The following GOLPH3L variants were observed in gnomAD, a reference collection of about 807,000 sequenced individuals.
GOLPH3L encodes the protein Golgi phosphoprotein 3-like.
A neutral mutation model predicts 30.3 loss-of-function variants in GOLPH3L; 22 were observed. The ratio of observed to expected loss-of-function variants is 0.73; its 90% CI spans 0.52 to 1.04. GOLPH3L has a LOEUF of 1.04. Among genes scored for constraint, GOLPH3L ranks in the 50% least tolerant of loss-of-function variants. The pLI is 0.00. For synonymous variants in GOLPH3L, 120 were observed against 128.2 expected (o/e 0.94, Z 0.43); for missense variants, 303 against 345.8 (o/e 0.88, Z 0.98).
chr1:150,662,722 A>G (rs1650397678), intron 3 of GOLPH3L, among the ~76,000 whole-genome samples: 1 of 152,222 alleles, frequency 6.6e-6, no homozygotes, highest in Non-Finnish European at 1.5e-5. Flanking sequence ...GAATAAGATA[A>G]TAACAAAGGC....
intron 2 of GOLPH3L, among the ~76,000 whole-genome samples, chr1:150,672,221 C>G (rs915651403): frequency 1.3e-5 from 2 of 152,104 alleles, no homozygotes; most frequent in Non-Finnish European, 2.9e-5. Flanking sequence ...CAGGGGTTAT[C>G]AAAAATTCTA....
At chr1:150,672,702 A>G (rs1182239344) in intron 2 of GOLPH3L, among the ~76,000 whole-genome samples, 1 of 152,194 alleles carries the variant, frequency 6.6e-6, no homozygotes, top group Non-Finnish European at 1.5e-5. Context: ...AAGTGCTGGG[A>G]TTACAGGTGT....
At chr1:150,661,772 TAAC>T in intron 4 of GOLPH3L, 39 bp downstream of exon 4, 2 of 896,476 alleles carry the variant, frequency 2.2e-6, no homozygotes, top group South Asian at 2.6e-5. Flanking sequence ...AGGATAAAGA[TAAC>T]AAAGTGTGAA....
At chr1:150,652,474 C>CA (rs1352559839) in intron 4 of GOLPH3L, among the ~76,000 whole-genome samples, 2 of 135,124 alleles carry the variant, frequency 1.5e-5, no homozygotes, top group Non-Finnish European at 3.2e-5. Context: ...AAAATAAATA[C>CA]ATTCCTAGAT....
intron 2 of GOLPH3L, among the ~76,000 whole-genome samples, chr1:150,668,278 C>A (rs1353208906): frequency 6.6e-6 from 1 of 152,132 alleles, no homozygotes; most frequent in Non-Finnish European, 1.5e-5. Context: ...TAAAATATTC[C>A]TTAGACATCT....
At chr1:150,666,473 T>C (rs1201567796) in intron 2 of GOLPH3L, among the ~76,000 whole-genome samples, 3 of 152,020 alleles carry the variant, frequency 2.0e-5, no homozygotes, top group Admixed American at 2.0e-4. Context: ...GCCTCCCAAG[T>C]AGCTGGGATT....
intron 1 of GOLPH3L, among the ~76,000 whole-genome samples, chr1:150,696,367 TCA>T (rs1177755861): frequency 6.6e-6 from 1 of 152,216 alleles, no homozygotes; most frequent in Non-Finnish European, 1.5e-5. Flanking sequence ...CTCAGCTGTT[TCA>T]CAGAGCTTTA....
chr1:150,658,184 C>T (rs2101783934), intron 4 of GOLPH3L, among the ~76,000 whole-genome samples: 1 of 152,314 alleles, frequency 6.6e-6, no homozygotes, highest in South Asian at 2.1e-4. Flanking sequence ...AGGAGGACCC[C>T]AACTGTCATT....
intron 3 of GOLPH3L, among the ~76,000 whole-genome samples, 176 bp downstream of exon 3, chr1:150,663,456 T>C (rs1650420744): frequency 6.6e-6 from 1 of 152,228 alleles, no homozygotes; most frequent in Non-Finnish European, 1.5e-5. Flanking sequence ...CTCTTTGGAC[T>C]ATGGATACTT....
At chr1:150,691,380 G>C (rs933501985) in intron 2 of GOLPH3L, among the ~76,000 whole-genome samples, 2 of 152,050 alleles carry the variant, frequency 1.3e-5, no homozygotes, top group African/African-American at 4.8e-5. Flanking sequence ...GCCAGGCATG[G>C]TGGCGGGTGC....
chr1:150,648,604 T>C lies in GOLPH3L; in HGVS notation c.575A>G (p.Asn192Ser), dbSNP rs1389237718. The C allele has an allele frequency of 6.2e-7, 1 of 1,614,096 alleles. No individual in the cohort carries two copies. The highest frequency in any genetic ancestry group is 1.7e-5 in the Admixed American group (1 of 60,016). Residue 192 changes from asparagine (N) to serine (S), a missense_variant, in exon 5 of 5, where the codon AAT (asparagine) becomes AGT (serine). Physicochemically the swap from Asn to Ser is conservative, Grantham distance 46 (BLOSUM62 1). Coordinates refer to ENST00000271732, the MANE Select transcript of GOLPH3L (RefSeq NM_018178.6). ...CACTAGTCGCTGTTTCTCTGTTGTA[T>C]TGGTCACTGGATGAGTAGTCATGTC... ...LFDMTTHPVT[N>S]TTEKQRLVKK... is the part of the protein sequence containing the mutation.
chr1:150,694,688 C>T lies in GOLPH3L; in HGVS notation c.151G>A (p.Glu51Lys). 6.2e-7 allele frequency: 1 copy of T among 1,607,594 alleles called. No individual in the cohort carries two copies. The highest frequency in any genetic ancestry group is 8.5e-7 in the Non-Finnish European group (1 of 1,177,432). ...TCTTTTAGTCCCAGAAGCAATACTTCTTCCATAAGAGTAAGGCGGATATCC... is the reference window on the plus strand; with the variant it reads ...TCTTTTAGTCCCAGAAGCAATACTTTTTCCATAAGAGTAAGGCGGATATCC... ...SKDIRLTLME[E>K]VLLLGLKDKE... Residue 51 changes from glutamate to lysine, a missense_variant, in exon 2 of 5, where the codon GAA becomes AAA. Transcript: ENST00000271732.
At chr1:150,688,484 G>A (rs1275609736) in intron 2 of GOLPH3L, among the ~76,000 whole-genome samples, 2 of 152,162 alleles carry the variant, frequency 1.3e-5, no homozygotes, top group African/African-American at 4.8e-5. Flanking sequence ...GGGCGCAGTG[G>A]CTCACACCTG....
At chr1:150,668,376 G>GT (rs1034904635) in intron 2 of GOLPH3L, among the ~76,000 whole-genome samples, 3 of 152,006 alleles carry the variant, frequency 2.0e-5, no homozygotes, top group South Asian at 2.1e-4. Context: ...AGTCATATTT[G>GT]TTTTTTTGGT....
chr1:150,673,846 AC>A (rs1340109208), intron 2 of GOLPH3L, among the ~76,000 whole-genome samples: 48 of 146,888 alleles, frequency 3.3e-4, no homozygotes, highest in African/African-American at 1.2e-3. Flanking sequence ...AATTGCTTGA[AC>A]CCGGGAGGTG....
rs2101769803 is a variant in GOLPH3L, at chr1:150,647,216, G to C, written c.*1105C>G. 1 of 152,308 alleles carries C rather than the reference G, an allele frequency of 6.6e-6. No homozygotes were observed. The highest frequency in any genetic ancestry group is 2.1e-4 in the South Asian group (1 of 4,820). The allele number at this position is 152,308 out of a possible 1,614,324, so 9.4% of individuals were successfully genotyped here. ...AGAGACATTTAAAGTAGTCTGGAGGGGTGGGTGCAGTGGCTCAAGCCAGTA... is the reference window on the plus strand; with the variant it reads ...AGAGACATTTAAAGTAGTCTGGAGGCGTGGGTGCAGTGGCTCAAGCCAGTA... On this transcript the variant is annotated 3_prime_UTR_variant, in exon 5 of 5. Transcript: ENST00000271732.
At chr1:150,650,585 A>T (rs921047457) in intron 4 of GOLPH3L, among the ~76,000 whole-genome samples, 17 of 152,208 alleles carry the variant, frequency 1.1e-4, no homozygotes, top group African/African-American at 3.9e-4. Context: ...AGGTTCCCAC[A>T]GGAGTGTGAA....
chr1:150,689,768 T>C (rs1651167266), intron 2 of GOLPH3L, among the ~76,000 whole-genome samples: 1 of 151,958 alleles, frequency 6.6e-6, no homozygotes, highest in Non-Finnish European at 1.5e-5. Flanking sequence ...TCAGCATAGC[T>C]AGGATTACAG....
intron 4 of GOLPH3L, among the ~76,000 whole-genome samples, chr1:150,657,421 TA>T (rs1650264410): frequency 1.3e-5 from 2 of 152,236 alleles, no homozygotes; most frequent in South Asian, 4.1e-4. Flanking sequence ...TGTCAAATGG[TA>T]TATTCCTCAT....
Sources: allele counts gnomAD v4.1 joint callset (sites outside exome capture counted in the v4.1 genomes callset), GRCh38; gene constraint gnomAD v4.1.1; transcripts MANE v1.5; gene names NCBI Gene and HGNC (gene_info 2026-07-23, HGNC 2026-07-21).